Variants in MAGI2 observed in about 807,000 individuals in gnomAD.
MAGI2 encodes the protein membrane associated guanylate kinase, WW and PDZ domain containing 2.
MAGI2 carries 35 observed loss-of-function variants against 133.3 expected under a neutral mutation model. The ratio of observed to expected loss-of-function variants is 0.26; its 90% CI spans 0.20 to 0.35. MAGI2 has a LOEUF of 0.35. Ranked by LOEUF, MAGI2 falls within the 10% of genes least tolerant of loss-of-function variation. The probability of loss-of-function intolerance (pLI) is 1.00; values close to 1 mark genes in which losing one functional copy is unlikely to be tolerated. For synonymous variants in MAGI2, 729 were observed against 710.6 expected, an observed-to-expected ratio of 1.03 and a Z score of -0.41; for missense variants, 1,636 against 1,863.4, an observed-to-expected ratio of 0.88 and a Z score of 2.25.
chr7:79,349,965 T>C (rs1841584394), intron 1 of MAGI2, among the ~76,000 whole-genome samples: 1 of 152,066 alleles, frequency 6.6e-6, no homozygotes, highest in African/African-American at 2.4e-5. Context: ...TTAGTTAAAG[T>C]CTTGAGTTAA....
intron 1 of MAGI2, among the ~76,000 whole-genome samples, chr7:79,105,249 G>A (rs535073357): frequency 1.3e-5 from 2 of 152,152 alleles, no homozygotes; most frequent in African/African-American, 2.4e-5. Context: ...CCCCAGCAGA[G>A]TGCAGAATGA....
At chr7:78,738,578 G>A (rs181580028) in intron 2 of MAGI2, among the ~76,000 whole-genome samples, 1 of 152,102 alleles carries the variant, frequency 6.6e-6, no homozygotes, top group Non-Finnish European at 1.5e-5. Flanking sequence ...ATATTTCAAA[G>A]GGTGCATTTT....
Position 78,357,740 on chromosome 7 carries a change from A to G in MAGI2, c.1103+11416T>C, listed in dbSNP as rs1210230259. Among the ~76,000 whole-genome samples the G allele has an allele frequency of 3.9e-5, 6 of 152,188 alleles. No homozygotes were observed. The East Asian group carries it at 1.2e-3, about 29-fold the overall frequency. On this transcript the variant is annotated intron_variant, in intron 7 of 21. Transcript: ENST00000354212. ...CAAAACTAATTTTATTAGCACAACA[A>G]AGAGCCTTTTTTTTTCTTTTGCCTT...
chr7:78,435,847 CAG>C (rs1800233995), intron 6 of MAGI2, among the ~76,000 whole-genome samples: 1 of 152,130 alleles, frequency 6.6e-6, no homozygotes, highest in Non-Finnish European at 1.5e-5. Context: ...GGAATTTTTC[CAG>C]AGTTTTTCTG....
At chr7:78,879,243 C>T (rs1795662105) in intron 2 of MAGI2, among the ~76,000 whole-genome samples, 1 of 152,168 alleles carries the variant, frequency 6.6e-6, no homozygotes, top group Non-Finnish European at 1.5e-5. Context: ...CATACTGGTG[C>T]CCCACAATGG....
chr7:79,334,924 C>G (rs1398679226), intron 1 of MAGI2, among the ~76,000 whole-genome samples: 1 of 152,092 alleles, frequency 6.6e-6, no homozygotes, highest in Admixed American at 6.5e-5. Context: ...TCATGGGCTA[C>G]TTGAAGAACA....
intron 1 of MAGI2, among the ~76,000 whole-genome samples, chr7:79,304,149 G>A (rs1837584055): frequency 6.9e-6 from 1 of 145,006 alleles, no homozygotes. Context: ...TAACTGGCAG[G>A]TGAGTTTCTA....
intron 20 of MAGI2, among the ~76,000 whole-genome samples, chr7:78,104,117 G>A (rs1563125243): frequency 6.6e-6 from 1 of 152,170 alleles, no homozygotes; most frequent in Non-Finnish European, 1.5e-5. Flanking sequence ...AAAGTGGCTG[G>A]CCATTACTAA....
At chr7:79,129,301 C>G (rs1027829801) in intron 1 of MAGI2, among the ~76,000 whole-genome samples, 19 of 152,192 alleles carry the variant, frequency 1.2e-4, no homozygotes, top group Non-Finnish European at 4.4e-5. Context: ...GTGAAAAACA[C>G]TTTCTACTGA....
At chr7:78,908,450 A>G (rs1457320786) in intron 2 of MAGI2, among the ~76,000 whole-genome samples, 4 of 152,208 alleles carry the variant, frequency 2.6e-5, no homozygotes, top group Non-Finnish European at 5.9e-5. Flanking sequence ...AGTTTTCTCA[A>G]ATTACATCAA....
intron 3 of MAGI2, among the ~76,000 whole-genome samples, chr7:78,624,307 ATTTAG>A (rs920277682): frequency 3.3e-5 from 5 of 152,012 alleles, no homozygotes; most frequent in African/African-American, 1.2e-4. Flanking sequence ...TGCAGAAGCT[ATTTAG>A]TTTAATTAGA....
At chr7:78,832,161 GA>G (rs139908004) in intron 2 of MAGI2, among the ~76,000 whole-genome samples, 17,124 of 145,660 alleles carry the variant, frequency 0.12, 1,071 homozygotes, top group East Asian at 0.22. Flanking sequence ...ATTCTCTGAA[GA>G]AAAAAAAAAG....
chr7:79,195,083 C>G (rs1827967794), intron 1 of MAGI2, among the ~76,000 whole-genome samples: 1 of 151,972 alleles, frequency 6.6e-6, no homozygotes. Flanking sequence ...TTTTATGACT[C>G]AATTACCACT....
intron 2 of MAGI2, among the ~76,000 whole-genome samples, chr7:78,705,044 T>G (rs1189828899): frequency 1.3e-5 from 2 of 151,978 alleles, no homozygotes; most frequent in East Asian, 3.9e-4. Context: ...ACCACAGAAA[T>G]TGGCAAACAC....
chr7:78,496,718 A>G (rs1794117287), intron 5 of MAGI2, among the ~76,000 whole-genome samples: 1 of 152,164 alleles, frequency 6.6e-6, no homozygotes, highest in African/African-American at 2.4e-5. Flanking sequence ...CGTCTATGAA[A>G]TGTGGATAAA....
chr7:78,628,903 G>C (rs748100822), intron 2 of MAGI2, among the ~76,000 whole-genome samples: 3 of 151,064 alleles, frequency 2.0e-5, no homozygotes, highest in Non-Finnish European at 1.5e-5. Flanking sequence ...TTGTTTTTCT[G>C]TTTATTTAGA....
chr7:78,979,852 C>T (rs1391420095), intron 2 of MAGI2, among the ~76,000 whole-genome samples: 1 of 151,922 alleles, frequency 6.6e-6, no homozygotes, highest in African/African-American at 2.4e-5. Context: ...CCCATGAACA[C>T]TCTGTAATAT....
At chr7:78,622,219 C>T (rs1017063362) in intron 3 of MAGI2, among the ~76,000 whole-genome samples, 1 of 151,994 alleles carries the variant, frequency 6.6e-6, no homozygotes, top group African/African-American at 2.4e-5. Flanking sequence ...GACCCCCTTT[C>T]AGTCTTATGG....
chr7:79,029,603 A>G (rs1318808561), intron 1 of MAGI2, among the ~76,000 whole-genome samples: 1 of 152,216 alleles, frequency 6.6e-6, no homozygotes, highest in African/African-American at 2.4e-5. Context: ...TTAGTGTAAA[A>G]TGCAGAATGT....
Sources: allele counts gnomAD v4.1 joint callset (sites outside exome capture counted in the v4.1 genomes callset), GRCh38; gene constraint gnomAD v4.1.1; transcripts MANE v1.5; gene names NCBI Gene and HGNC (gene_info 2026-07-23, HGNC 2026-07-21).